Variants in INPP4B observed in about 807,000 individuals in gnomAD.
INPP4B encodes inositol polyphosphate 4-phosphatase type II.
Under a neutral mutation model 122.5 loss-of-function variants are expected in INPP4B, and 55 were observed. The observed-to-expected ratio is 0.45, with a 90% CI of 0.36 to 0.56. The LOEUF (loss-of-function observed/expected upper bound fraction) is 0.56. INPP4B is among the 20% of genes least tolerant of loss of function. The pLI is 0.00. For missense variants in INPP4B, 1,000 were observed against 1,097.7 expected (o/e 0.91, Z 1.26); for synonymous variants, 403 against 388.7 (o/e 1.04, Z -0.43).
intron 1 of INPP4B, among the ~76,000 whole-genome samples, chr4:142,791,497 C>G (rs2151065237): frequency 6.6e-6 from 1 of 151,962 alleles, no homozygotes; most frequent in Middle Eastern, 3.4e-3. Context: ...GGTAGATAGA[C>G]TGGGGAGGAT....
chr4:142,421,414 GT>G (rs1182829181), intron 5 of INPP4B, among the ~76,000 whole-genome samples: 2 of 152,042 alleles, frequency 1.3e-5, no homozygotes, highest in Non-Finnish European at 2.9e-5. Context: ...CCTCCTCTGA[GT>G]TTCATCTAGC....
Position 142,265,024 on chromosome 4 carries a change from A to C in INPP4B, c.616-4460T>G, listed in dbSNP as rs541659357. Among the ~76,000 whole-genome samples the C allele has an allele frequency of 2.2e-4, 34 of 151,320 alleles. No homozygotes were observed. In the South Asian group the frequency reaches 7.1e-3, roughly 32 times the overall value. On this transcript the variant is annotated intron_variant, in intron 10 of 25. Coordinates refer to ENST00000262992, the MANE Select transcript of INPP4B (RefSeq NM_001101669.3). ...CCTCCCCCACTTCCCCTTCCTGCTTATACACAGAAGATAGACCATCTGAGA... is the reference window on the plus strand; with the variant it reads ...CCTCCCCCACTTCCCCTTCCTGCTTCTACACAGAAGATAGACCATCTGAGA...
intron 2 of INPP4B, among the ~76,000 whole-genome samples, chr4:142,556,898 G>A (rs1237817370): frequency 6.6e-6 from 1 of 152,090 alleles, no homozygotes; most frequent in Non-Finnish European, 1.5e-5. Context: ...CATATATTCA[G>A]TCAGGAGAAT....
intron 1 of INPP4B, among the ~76,000 whole-genome samples, chr4:142,736,742 A>C (rs1766974995): frequency 6.6e-6 from 1 of 152,164 alleles, no homozygotes; most frequent in African/African-American, 2.4e-5. Flanking sequence ...TGTCATCTGC[A>C]AACAGGGACA....
rs935047494 is a variant in INPP4B, at chr4:142,442,557, A to G, written c.-126-11172T>C. Among the ~76,000 whole-genome samples, 5 of 152,222 alleles carry G rather than the reference A, an allele frequency of 3.3e-5. No homozygotes were observed. In the East Asian group the frequency reaches 7.7e-4, roughly 23 times the overall value. On this transcript the variant is annotated intron_variant, in intron 3 of 25. Transcript: ENST00000262992. ...GACTAGGAAAATATATTTGTCACAT[A>G]GAAGGTACCAGTTTCCATTTAGGAT... is the stretch of plus-strand genomic sequence containing the variant.
intron 18 of INPP4B, among the ~76,000 whole-genome samples, chr4:142,144,934 GA>G (rs1809870705): frequency 6.6e-6 from 1 of 151,798 alleles, no homozygotes; most frequent in Non-Finnish European, 1.5e-5. Context: ...TAAAGTAAAA[GA>G]AAGAACAGAT....
intron 1 of INPP4B, among the ~76,000 whole-genome samples, chr4:142,775,460 T>G (rs1773714472): frequency 6.6e-6 from 1 of 152,114 alleles, no homozygotes; most frequent in South Asian, 2.1e-4. Context: ...TCCTTTTGTA[T>G]GCTTACTTAC....
At chr4:142,328,885 T>C (rs1466497309) in intron 7 of INPP4B, among the ~76,000 whole-genome samples, 1 of 152,190 alleles carries the variant, frequency 6.6e-6, no homozygotes, top group African/African-American at 2.4e-5. Flanking sequence ...GGTCTCAGCA[T>C]TACATTAATC....
chr4:142,071,594 A>C (rs931153856), intron 25 of INPP4B, among the ~76,000 whole-genome samples: 2 of 152,210 alleles, frequency 1.3e-5, no homozygotes, highest in Non-Finnish European at 2.9e-5. Context: ...CCATCTGACA[A>C]AGGGCTAATA....
At position 142,160,418 on chromosome 4, in the gene INPP4B, G is replaced by T. The variant is rs1819541076; in HGVS notation, c.1503C>A (p.Pro501=). 6.2e-7 allele frequency: 1 copy of T among 1,606,660 alleles called. No homozygotes were observed. The highest frequency in any genetic ancestry group is 2.2e-5 in the East Asian group (1 of 44,746). ...STEESSPQDQ[P]PVMRGQDSIP... ...TGGAGTCCTGCCCTCTCATCACTGG[G>T]GGTTGGTCTTGGGGACTGCTCTCCT... Residue 501 remains proline (P), a synonymous_variant, in exon 17 of 26, where the codon CCC becomes CCA. Coordinates refer to ENST00000262992, the MANE Select transcript of INPP4B (RefSeq NM_001101669.3).
At chr4:142,093,435 T>A (rs1780450621) in intron 23 of INPP4B, among the ~76,000 whole-genome samples, 1 of 152,130 alleles carries the variant, frequency 6.6e-6, no homozygotes, top group Non-Finnish European at 1.5e-5. Flanking sequence ...TATCTGGCAA[T>A]AAGCAACCAG....
chr4:142,713,393 GAA>G (rs1763352019), intron 2 of INPP4B, among the ~76,000 whole-genome samples: 10 of 152,332 alleles, frequency 6.6e-5, no homozygotes, highest in Admixed American at 6.5e-4. Flanking sequence ...AGTTCACCCA[GAA>G]AGAGTCTACT....
chr4:142,485,996 G>C (rs1043031469), intron 2 of INPP4B, among the ~76,000 whole-genome samples: 1 of 151,910 alleles, frequency 6.6e-6, no homozygotes, highest in East Asian at 1.9e-4. Context: ...TTTATTCTGG[G>C]TCTGGCCTAC....
intron 2 of INPP4B, among the ~76,000 whole-genome samples, chr4:142,610,825 C>T (rs1043645915): frequency 5.9e-5 from 9 of 152,080 alleles, no homozygotes; most frequent in Non-Finnish European, 8.8e-5. Flanking sequence ...TGAAAAGTTG[C>T]ATGCCAATGG....
chr4:142,552,929 C>T (rs78491015), intron 2 of INPP4B, among the ~76,000 whole-genome samples: 7,201 of 152,252 alleles, frequency 0.047, 209 homozygotes, highest in Non-Finnish European at 0.053. Flanking sequence ...ACCTTCATTG[C>T]ACCACCAAAA....
chr4:142,777,379 C>A lies in INPP4B; in HGVS notation c.-253-51478G>T, dbSNP rs151333357. Among the ~76,000 whole-genome samples, 912 of 152,228 alleles carry A rather than the reference C, an allele frequency of 6.0e-3. 6 individuals carry two copies. The highest frequency in any genetic ancestry group is 0.02 in the African/African-American group (842 of 41,552). ...TGTAAACTGCCTATGGAGAGAGGAGCCCATGTCAGGAAACTGTGGGTGGCC... is the reference window on the plus strand; with the variant it reads ...TGTAAACTGCCTATGGAGAGAGGAGACCATGTCAGGAAACTGTGGGTGGCC... On this transcript the variant is annotated intron_variant, in intron 1 of 25. Coordinates refer to ENST00000262992, the MANE Select transcript of INPP4B (RefSeq NM_001101669.3).
intron 2 of INPP4B, among the ~76,000 whole-genome samples, chr4:142,624,637 G>A: frequency 6.6e-6 from 1 of 152,160 alleles, no homozygotes; most frequent in African/African-American, 2.4e-5. Flanking sequence ...TATGAGGCCA[G>A]CATCATCCTG....
At chr4:142,350,905 G>A (rs1003117487) in intron 7 of INPP4B, among the ~76,000 whole-genome samples, 2 of 151,876 alleles carry the variant, frequency 1.3e-5, no homozygotes, top group Non-Finnish European at 2.9e-5. Flanking sequence ...TGACTCTGAT[G>A]GCTCTATGTT....
At chr4:142,776,744 C>G (rs187316063) in intron 1 of INPP4B, among the ~76,000 whole-genome samples, 2 of 152,176 alleles carry the variant, frequency 1.3e-5, no homozygotes, top group East Asian at 3.9e-4. Flanking sequence ...TTTGTGTTCT[C>G]TTGCTCAAAA....
Sources: gnomAD v4.1 joint callset for allele counts (sites outside exome capture counted in the v4.1 genomes callset) on GRCh38, gnomAD v4.1.1 for gene constraint, MANE v1.5 for transcripts, NCBI Gene and HGNC (gene_info 2026-07-23, HGNC 2026-07-21) for gene names.